MZT2B: variants seen among roughly 807,000 people sequenced by gnomAD.
The protein encoded by MZT2B is mitotic-spindle organizing protein 2B.
MZT2B carries 11 observed loss-of-function variants against 12.1 expected under a neutral mutation model. The ratio of observed to expected loss-of-function variants is 0.91; its 90% CI spans 0.57 to 1.50. MZT2B has a LOEUF of 1.50. Among genes scored for constraint, MZT2B ranks in the 40% most tolerant of loss-of-function variants. The pLI is 0.00. For synonymous variants in MZT2B, 85 were observed against 109.5 expected (o/e 0.78, Z 1.40); for missense variants, 209 against 227.7 (o/e 0.92, Z 0.53).
At chr2:130,181,683 T>C (rs1341838013), upstream of MZT2B, 1 of 1,548,274 alleles carries the variant, frequency 6.5e-7, no homozygotes, top group African/African-American at 1.4e-5. Context: ...AAAAGGCGCG[T>C]GCGCAAAGCG....
downstream of MZT2B, among the ~76,000 whole-genome samples, chr2:130,191,284 A>G (rs1402191720): frequency 6.6e-6 from 1 of 152,184 alleles, no homozygotes; most frequent in Non-Finnish European, 1.5e-5. Context: ...ACCGTGGAGC[A>G]CTGGGGTCAG....
chr2:130,182,474 C>A, intron 1 of MZT2B, 22 bp downstream of exon 1: 1 of 1,541,424 alleles, frequency 6.5e-7, no homozygotes. Context: ...GGGTGGGGGC[C>A]GCATGCTAGC....
downstream of MZT2B, chr2:130,192,006 T>G (rs367822755): frequency 1.9e-6 from 3 of 1,614,094 alleles, no homozygotes; most frequent in Admixed American, 1.7e-5. Flanking sequence ...ATCGAACTTA[T>G]GGACCAGGCG....
downstream of MZT2B, chr2:130,194,170 G>T: frequency 2.5e-6 from 4 of 1,613,780 alleles, no homozygotes; most frequent in Middle Eastern, 1.7e-4. Flanking sequence ...TGAGGTTGGT[G>T]TACGTGGGAC....
chr2:130,186,339 C>T (rs913260359), intron 2 of MZT2B, among the ~76,000 whole-genome samples: 1 of 152,150 alleles, frequency 6.6e-6, no homozygotes, highest in African/African-American at 2.4e-5. Flanking sequence ...CAGATTCACT[C>T]ATACCCACAG....
chr2:130,192,905 C>G (rs75918414), downstream of MZT2B, among the ~76,000 whole-genome samples: 14 of 152,064 alleles, frequency 9.2e-5, no homozygotes, highest in African/African-American at 3.4e-4. Context: ...ACCAGCCTGG[C>G]CAACATGGCA....
chr2:130,182,277 G>A lies in MZT2B; in HGVS notation c.-6G>A. The A allele has an allele frequency of 7.6e-7, 1 of 1,313,500 alleles. No homozygotes were observed. The highest frequency in any genetic ancestry group is 9.6e-7 in the Non-Finnish European group (1 of 1,040,714). The allele number at this position is 1,313,500 out of a possible 1,614,324, so 81.4% of individuals were successfully genotyped here. A position where few individuals can be genotyped will look rare whatever the true frequency, so the allele number is the denominator to read the frequency against. The stretch of plus-strand genomic sequence containing the variant: ...GGCGGAGCGCACCTTTCCGCGGGCC[G>A]CGGGGATGGCGGCGCAGGGCGTAGG... On this transcript the variant is annotated 5_prime_UTR_variant, in exon 1 of 3. Transcript: ENST00000281871.
chr2:130,191,815 C>T, downstream of MZT2B: 1 of 1,586,138 alleles, frequency 6.3e-7, no homozygotes, highest in African/African-American at 1.3e-5. Flanking sequence ...AGGGGAGAAC[C>T]CACCACACCC....
chr2:130,202,723 T>A, the MZT2B span, among the ~76,000 whole-genome samples: 1 of 152,306 alleles, frequency 6.6e-6, no homozygotes, highest in East Asian at 1.9e-4. Flanking sequence ...CATCTCCAGT[T>A]CAACCCCGCA....
upstream of MZT2B, chr2:130,181,807 C>T (rs753408431): frequency 1.9e-6 from 3 of 1,546,086 alleles, no homozygotes; most frequent in South Asian, 1.2e-5. Flanking sequence ...GGTACTTTCT[C>T]CCCAGCAAGG....
At chr2:130,198,483 G>C in the MZT2B span, 1 of 1,173,616 alleles carries the variant, frequency 8.5e-7, no homozygotes, top group African/African-American at 1.7e-5. Context: ...GCCGGTGCCA[G>C]GCCGCCATTG....
intron 2 of MZT2B, chr2:130,183,897 C>T: frequency 6.4e-7 from 1 of 1,550,602 alleles, no homozygotes; most frequent in Non-Finnish European, 8.7e-7. Flanking sequence ...GGCTGCCACA[C>T]ACTCGCCTCT....
chr2:130,195,042 T>C, downstream of MZT2B: 1 of 1,609,516 alleles, frequency 6.2e-7, no homozygotes, highest in East Asian at 2.2e-5. Context: ...ACCCCTCCCA[T>C]GCAAGACAAT....
chr2:130,190,651 T>C lies in MZT2B; in HGVS notation c.*25T>C, dbSNP rs376661054. On this transcript the variant is annotated 3_prime_UTR_variant, in exon 3 of 3. Coordinates refer to ENST00000281871, the MANE Select transcript of MZT2B (RefSeq NM_025029.5). ...GGATGGGGCAGAGACTTGTTGCATC[T>C]TTGTCCCCAGCAAAGGCTACATGTT... The C allele has an allele frequency of 5.1e-4, 816 of 1,585,308 alleles. 4 individuals carry two copies. The African/African-American group carries it at 9.7e-3, about 19-fold the overall frequency.
At chr2:130,190,271 A>C (rs1335318700) in intron 2 of MZT2B, among the ~76,000 whole-genome samples, 198 bp from the exon 3 acceptor site, 1 of 152,144 alleles carries the variant, frequency 6.6e-6, no homozygotes, top group East Asian at 1.9e-4. Context: ...TCCCCTGCAC[A>C]CTGCGAAGGG....
chr2:130,201,214 C>T, the MZT2B span, among the ~76,000 whole-genome samples: 1 of 152,220 alleles, frequency 6.6e-6, no homozygotes, highest in South Asian at 2.1e-4. Flanking sequence ...GGACGGAGTT[C>T]TGCCGACAGC....
chr2:130,192,338 G>A (rs558255403), downstream of MZT2B, among the ~76,000 whole-genome samples: 41 of 152,306 alleles, frequency 2.7e-4, no homozygotes, highest in African/African-American at 9.6e-4. Context: ...CCACCCTGGT[G>A]GGATCCCAAG....
chr2:130,198,153 G>A, the MZT2B span, among the ~76,000 whole-genome samples: 44 of 123,158 alleles, frequency 3.6e-4, 14 homozygotes, highest in Admixed American at 1.2e-3. Context: ...AAGGCCGGCA[G>A]CTTCATCTAA....
intron 2 of MZT2B, chr2:130,183,143 G>C: frequency 5.1e-6 from 2 of 388,796 alleles, no homozygotes; most frequent in Non-Finnish European, 9.4e-6. Context: ...CGGGAGGATC[G>C]TTTGAGGCCA....
Sources: allele counts gnomAD v4.1 joint callset (sites outside exome capture counted in the v4.1 genomes callset), GRCh38; gene constraint gnomAD v4.1.1; transcripts MANE v1.5; gene names NCBI Gene and HGNC (gene_info 2026-07-23, HGNC 2026-07-21).